UVRAG: variants seen among roughly 807,000 people sequenced by gnomAD.
The protein encoded by UVRAG is UV radiation resistance-associated gene protein.
A neutral mutation model predicts 78.0 loss-of-function variants in UVRAG; 19 were observed. The observed-to-expected ratio is 0.24, with a 90% CI of 0.17 to 0.36. UVRAG has a LOEUF of 0.36. Ranked by LOEUF, UVRAG falls within the 10% of genes least tolerant of loss-of-function variation. The pLI, the probability that UVRAG is intolerant of heterozygous loss-of-function variation, is 1.00. For synonymous variants in UVRAG, 323 were observed against 324.6 expected, an observed-to-expected ratio of 1.00 and a Z score of 0.05; for missense variants, 740 against 853.8, an observed-to-expected ratio of 0.87 and a Z score of 1.66.
At chr11:76,110,935 T>A (rs554006280) in intron 13 of UVRAG, among the ~76,000 whole-genome samples, 156 of 152,208 alleles carry the variant, frequency 1.0e-3, no homozygotes, top group Non-Finnish European at 1.9e-3. Flanking sequence ...CTCGGCTGAC[T>A]GCAACCTCCA....
At chr11:76,056,731 T>A (rs1950991475) in intron 12 of UVRAG, among the ~76,000 whole-genome samples, 2 of 152,250 alleles carry the variant, frequency 1.3e-5, no homozygotes. Flanking sequence ...TAGGTGTTAC[T>A]GATGCTCCCT....
intron 1 of UVRAG, among the ~76,000 whole-genome samples, chr11:75,833,818 GCA>G (rs1945716836): frequency 1.3e-5 from 2 of 152,204 alleles, no homozygotes; most frequent in African/African-American, 4.8e-5. Flanking sequence ...TGTCCTTAAG[GCA>G]CAGATCGCTC....
chr11:75,924,057 C>T (rs1948034194), intron 6 of UVRAG, among the ~76,000 whole-genome samples: 1 of 149,370 alleles, frequency 6.7e-6, no homozygotes, highest in Admixed American at 6.6e-5. Context: ...TATATACGTT[C>T]AGGGAATTTA....
intron 13 of UVRAG, among the ~76,000 whole-genome samples, chr11:76,088,611 C>T (rs944232930): frequency 6.6e-6 from 1 of 152,080 alleles, no homozygotes; most frequent in Non-Finnish European, 1.5e-5. Flanking sequence ...CCAAAACCTC[C>T]GCCACTGGCC....
At chr11:75,920,008 G>GTTTTTTTTTTTTTTTTTTTTTTT (rs140217190) in intron 6 of UVRAG, among the ~76,000 whole-genome samples, 4 of 55,492 alleles carry the variant, frequency 7.2e-5, no homozygotes, top group African/African-American at 2.3e-4. Flanking sequence ...AATAATTTTG[G>GTTTTTTTTTTTTTTTTTTTTTTT]TTTTTTTTTT....
chr11:76,101,071 C>G (rs1191315659), intron 13 of UVRAG, among the ~76,000 whole-genome samples: 2 of 151,886 alleles, frequency 1.3e-5, no homozygotes, highest in Non-Finnish European at 2.9e-5. Context: ...AATGAACATA[C>G]ACGTGCATAT....
intron 1 of UVRAG, among the ~76,000 whole-genome samples, chr11:75,826,558 T>G (rs528823596): frequency 1.3e-5 from 2 of 152,336 alleles, no homozygotes; most frequent in South Asian, 2.1e-4. Flanking sequence ...AACGTTCTCT[T>G]TAAGGGCAGA....
At chr11:75,951,037 G>A (rs1948685371) in intron 6 of UVRAG, among the ~76,000 whole-genome samples, 1 of 147,652 alleles carries the variant, frequency 6.8e-6, no homozygotes, top group African/African-American at 2.5e-5. Flanking sequence ...GTCATGACTT[G>A]ATTTTTTTTC....
At chr11:75,972,722 T>C (rs1415812881) in intron 7 of UVRAG, among the ~76,000 whole-genome samples, 2 of 152,226 alleles carry the variant, frequency 1.3e-5, no homozygotes, top group Non-Finnish European at 2.9e-5. Flanking sequence ...TCCTTCAATA[T>C]TCTGTTGTAT....
At chr11:76,112,689 G>A (rs1952097062) in intron 13 of UVRAG, among the ~76,000 whole-genome samples, 1 of 151,866 alleles carries the variant, frequency 6.6e-6, no homozygotes, top group Non-Finnish European at 1.5e-5. Flanking sequence ...GTTAGATTGA[G>A]AAGAGTTTTA....
chr11:76,037,539 CAAAAAAAAAA>C lies in UVRAG; in HGVS notation c.1226+20574_1226+20583del, dbSNP rs61354759. 6.2e-3 allele frequency among the ~76,000 whole-genome samples: 299 copies of C among 48,522 alleles called. 1 individual carries two copies. The highest frequency in any genetic ancestry group is 0.014 in the African/African-American group (287 of 20,752). The allele number at this position is 48,522 out of a possible 152,430, so 31.8% of individuals were successfully genotyped here. A position where few individuals can be genotyped will look rare whatever the true frequency, so the allele number is the denominator to read the frequency against. On this transcript the variant is annotated intron_variant, in intron 12 of 14. Coordinates refer to ENST00000356136, the MANE Select transcript of UVRAG (RefSeq NM_003369.4). ...GCAACATTTCAAGACTTTGTCTTTA[CAAAAAAAAAA>C]AAAAAAAAAAAAAATCAGCTGGGCG...
At chr11:75,998,670 G>A (rs1565111882) in intron 8 of UVRAG, among the ~76,000 whole-genome samples, 1 of 152,200 alleles carries the variant, frequency 6.6e-6, no homozygotes, top group East Asian at 1.9e-4. Context: ...TAGAGCATGG[G>A]AAGAAGTTGG....
At position 75,815,450 on chromosome 11, in the gene UVRAG, C is replaced by A. The variant is rs1289275171; in HGVS notation, c.43C>A (p.Pro15Thr). 1.6e-6 allele frequency: 2 copies of A among 1,248,064 alleles called. No homozygotes were observed. Among genetic ancestry groups the A allele is most frequent in the Non-Finnish European group, 2.0e-6 (2 of 995,658 alleles). 77.3% of individuals were successfully genotyped at this position (1,248,064 alleles called of 1,614,324 possible). Reference sequence around the variant, plus strand: ...GGTCGGGGGCCCCGTCCCCCAGCCACCCCCGGGCCCGGCCGCTGCTCTGCC... The same window carrying A: ...GGTCGGGGGCCCCGTCCCCCAGCCAACCCCGGGCCCGGCCGCTGCTCTGCC... ...ASVGGPVPQP[P>T]PGPAAALPPG... The change falls in exon 1 of 15, where the codon CCC (proline) becomes ACC (threonine). Residue 15 changes from proline to threonine, a missense_variant. Physicochemically the swap from Pro to Thr is conservative, Grantham distance 38. Transcript: ENST00000356136.
At chr11:76,109,287 G>A (rs575371703) in intron 13 of UVRAG, among the ~76,000 whole-genome samples, 4 of 152,256 alleles carry the variant, frequency 2.6e-5, no homozygotes, top group African/African-American at 9.6e-5. Flanking sequence ...CTTTTAGCCT[G>A]TCCATAGCTG....
rs1359293131 is a variant in UVRAG, at chr11:75,815,231, CCAGCGGCGGCAACGGCGG to C, written c.-165_-148del. ...CTGCGGTAATATGGCTCTTCCTTAG[CCAGCGGCGGCAACGGCGG>C]CAGCGGCGGCAGCGGCGGCGGCTAC... On this transcript the variant is annotated 5_prime_UTR_variant, in exon 1 of 15. Coordinates refer to ENST00000356136, the MANE Select transcript of UVRAG (RefSeq NM_003369.4). 6.7e-6 allele frequency: 3 copies of C among 445,390 alleles called. No homozygotes were observed. Among genetic ancestry groups the C allele is most frequent in the South Asian group, 9.6e-5 (2 of 20,838 alleles). 27.6% of individuals were successfully genotyped at this position (445,390 alleles called of 1,614,324 possible). A position where few individuals can be genotyped will look rare whatever the true frequency, so the allele number is the denominator to read the frequency against.
intron 1 of UVRAG, among the ~76,000 whole-genome samples, chr11:75,835,636 TA>T (rs1308832971): frequency 6.6e-6 from 1 of 152,148 alleles, no homozygotes; most frequent in African/African-American, 2.4e-5. Flanking sequence ...AAATATAAAG[TA>T]TTACAAAAAT....
At chr11:76,019,479 C>CT (rs1358206824) in intron 12 of UVRAG, among the ~76,000 whole-genome samples, 1 of 152,206 alleles carries the variant, frequency 6.6e-6, no homozygotes, top group East Asian at 1.9e-4. Flanking sequence ...TTATACCTGT[C>CT]TTTCTTGGGA....
In UVRAG at chr11:76,057,624, G is replaced by A. The variant is rs537787836; in HGVS notation, c.1227-8086G>A. 4.6e-5 allele frequency among the ~76,000 whole-genome samples: 7 copies of A among 152,118 alleles called. No individual in the cohort carries two copies. In the East Asian group the frequency reaches 5.8e-4, roughly 13 times the overall value. Reference sequence around the variant, plus strand: ...CCACAGCCAGCCATTTCCATCTCACGTGCCTATGGCCTGCCTTATGCTTTC... The same window carrying A: ...CCACAGCCAGCCATTTCCATCTCACATGCCTATGGCCTGCCTTATGCTTTC... On this transcript the variant is annotated intron_variant, in intron 12 of 14. Coordinates refer to ENST00000356136, the MANE Select transcript of UVRAG (RefSeq NM_003369.4).
chr11:75,979,161 G>T (rs1169384225), intron 7 of UVRAG, among the ~76,000 whole-genome samples: 1 of 152,196 alleles, frequency 6.6e-6, no homozygotes, highest in African/African-American at 2.4e-5. Flanking sequence ...CGTTTGCCTG[G>T]GTATCACCAG....
Sources: allele counts gnomAD v4.1 joint callset (sites outside exome capture counted in the v4.1 genomes callset), GRCh38; gene constraint gnomAD v4.1.1; transcripts MANE v1.5; gene names NCBI Gene and HGNC (gene_info 2026-07-23, HGNC 2026-07-21).